Variants in SBNO2 observed in about 807,000 individuals in gnomAD.
SBNO2 encodes the protein strawberry notch homolog 2.
In SBNO2, 89 loss-of-function variants were observed where a neutral mutation model predicts 146.3. That is an observed-to-expected ratio of 0.61 (90% CI 0.51 to 0.73). The LOEUF (loss-of-function observed/expected upper bound fraction) is 0.73. Among genes scored for constraint, SBNO2 ranks in the 30% least tolerant of loss-of-function variants. The pLI, the probability that SBNO2 is intolerant of heterozygous loss-of-function variation, is 0.00. For missense variants in SBNO2, 2,092 were observed against 2,003.7 expected (o/e 1.04, Z -0.84); for synonymous variants, 1,147 against 892.6 (o/e 1.29, Z -5.08).
chr19:1,160,323 C>A (rs995367643), intron 1 of SBNO2, among the ~76,000 whole-genome samples: 1 of 152,216 alleles, frequency 6.6e-6, no homozygotes, highest in Non-Finnish European at 1.5e-5. Context: ...CAACTTCATG[C>A]ACCAAGAGCC....
chr19:1,159,088 C>T (rs2080319370), intron 1 of SBNO2, among the ~76,000 whole-genome samples: 1 of 152,154 alleles, frequency 6.6e-6, no homozygotes, highest in Admixed American at 6.5e-5. Context: ...CAGCCGTGAC[C>T]CCACCTGCAG....
Position 1,149,332 on chromosome 19 carries a change from A to T in SBNO2, c.167+37T>A, listed in dbSNP as rs572072488. 5.4e-5 allele frequency: 83 copies of T among 1,528,496 alleles called. No homozygotes were observed. The South Asian group carries it at 8.9e-4, about 16-fold the overall frequency. 94.7% of individuals were successfully genotyped at this position (1,528,496 alleles called of 1,614,324 possible). A position where few individuals can be genotyped will look rare whatever the true frequency, so the allele number is the denominator to read the frequency against. On this transcript the variant is annotated intron_variant, in intron 3 of 31. Transcript: ENST00000361757. ...TGTAACTGTGACTTCAGAATGAGCA[A>T]GCCTGGGGGCCAGGCGGGGAGGGTC...
intron 1 of SBNO2, among the ~76,000 whole-genome samples, chr19:1,171,435 A>G (rs2080476478): frequency 6.6e-6 from 1 of 152,174 alleles, no homozygotes; most frequent in African/African-American, 2.4e-5. Context: ...CAGAGTCCCC[A>G]GGGCAGCGCT....
intron 4 of SBNO2, among the ~76,000 whole-genome samples, chr19:1,145,996 C>T (rs1281760121): frequency 2.0e-5 from 3 of 152,054 alleles, no homozygotes; most frequent in African/African-American, 4.8e-5. Flanking sequence ...GGGCCTTGCT[C>T]CCTCCCACAG....
chr19:1,149,912 C>G (rs987845983), intron 2 of SBNO2, among the ~76,000 whole-genome samples: 2 of 152,146 alleles, frequency 1.3e-5, no homozygotes, highest in Non-Finnish European at 2.9e-5. Flanking sequence ...CTGGGGCAGG[C>G]GAGGGCCTCA....
intron 5 of SBNO2, among the ~76,000 whole-genome samples, chr19:1,125,811 T>C (rs2079959135): frequency 1.3e-5 from 2 of 152,042 alleles, no homozygotes; most frequent in South Asian, 2.1e-4. Context: ...CTGGACAACA[T>C]GATAAAATCC....
intron 4 of SBNO2, among the ~76,000 whole-genome samples, chr19:1,134,336 C>T (rs537081745): frequency 5.9e-5 from 9 of 151,958 alleles, no homozygotes; most frequent in African/African-American, 1.2e-4. Context: ...CCACAGCTCC[C>T]GGGTGGACCC....
At position 1,147,437 on chromosome 19, in the gene SBNO2, G is replaced by GCATAGCTGGTGTCTGGGCA; in HGVS notation, c.168-18_168-17insTGCCCAGACACCAGCTATG. The GCATAGCTGGTGTCTGGGCA allele has an allele frequency of 2.3e-6, 3 of 1,304,948 alleles. 1 individual carries two copies. Among genetic ancestry groups the GCATAGCTGGTGTCTGGGCA allele is most frequent in the Non-Finnish European group, 3.1e-6 (3 of 957,964 alleles). The allele number at this position is 1,304,948 out of a possible 1,614,324, so 80.8% of individuals were successfully genotyped here. A position where few individuals can be genotyped will look rare whatever the true frequency, so the allele number is the denominator to read the frequency against. ...ATGAACGGGCTGGAGGGAGATGGGGGGGGGGGAGGTGAGATGGGGTGCTCA... is the reference window on the plus strand; with the variant it reads ...ATGAACGGGCTGGAGGGAGATGGGGGCATAGCTGGTGTCTGGGCAGGGGGGAGGTGAGATGGGGTGCTCA... On this transcript the variant is annotated splice_polypyrimidine_tract_variant and intron_variant, in intron 3 of 31. Coordinates refer to ENST00000361757, the MANE Select transcript of SBNO2 (RefSeq NM_014963.3).
rs908363900 is a variant in SBNO2, at chr19:1,157,213, C to G, written c.-126-2811G>C. ...TTGACTCCGCCGCCGTTTCTTGCAG[C>G]AGCTGTGACCACGCCATGTCTCTGG... On this transcript the variant is annotated intron_variant, in intron 1 of 31. Transcript: ENST00000361757. The surrounding 1 kb of genome is among the most constrained non-coding windows in gnomAD (Gnocchi z 6.8). Among the ~76,000 whole-genome samples the G allele has an allele frequency of 5.3e-5, 8 of 152,194 alleles. No homozygotes were observed. The highest frequency in any genetic ancestry group is 1.9e-4 in the African/African-American group (8 of 41,442).
rs2302109 is a variant in SBNO2 at position 1,110,830 on chromosome 19, G to A, written c.2943C>T (p.Asn981=). ...RILGLEVHKQ[N]ALFQYFSDTF... ...TGTCTGAGAAGTACTGGAACAGGGC[G>A]TTCTGCTTGTGCACCTCCAGCCCCA... Residue 981 remains asparagine, a synonymous_variant, in exon 26 of 32, where the codon AAC becomes AAT. Transcript: ENST00000361757. This position sits in a 1 kb window ranked among gnomAD's most constrained non-coding sequence, Gnocchi z 4.9. 0.52 allele frequency: 839,337 copies of A among 1,613,160 alleles called. 220,398 individuals are homozygous for A. Among genetic ancestry groups the A allele is most frequent in the African/African-American group, 0.66 (49,615 of 74,844 alleles).
At chr19:1,111,798 C>T (rs1353468225) in intron 23 of SBNO2, among the ~76,000 whole-genome samples, 184 bp from the exon 24 acceptor site, 1 of 151,176 alleles carries the variant, frequency 6.6e-6, no homozygotes, top group Non-Finnish European at 1.5e-5. Context: ...TGGGTCCTCC[C>T]CCAGACCCCT....
intron 1 of SBNO2, among the ~76,000 whole-genome samples, chr19:1,165,642 C>T (rs559938357): frequency 3.8e-4 from 56 of 146,574 alleles, no homozygotes; most frequent in Non-Finnish European, 7.5e-4. Flanking sequence ...AGATCCCAGA[C>T]TTCAGATCCC....
rs555679957 is a variant in SBNO2, at chr19:1,114,624, G to A, written c.1886-202C>T. ...CCGTGCCCTGTGGCCAGGAGGGTAC[G>A]GTGTGGGGGGCCATATTTTATTTAT... is the stretch of plus-strand genomic sequence containing the variant. On this transcript the variant is annotated intron_variant, in intron 17 of 31. Transcript: ENST00000361757. Among the ~76,000 whole-genome samples, 13 of 147,628 alleles carry A rather than the reference G, an allele frequency of 8.8e-5. No homozygotes were observed. In the East Asian group the frequency reaches 9.9e-4, roughly 11 times the overall value.
chr19:1,128,153 TAAAC>T (rs767308682), intron 4 of SBNO2: 20 of 472,578 alleles, frequency 4.2e-5, no homozygotes, highest in Admixed American at 4.6e-5. Flanking sequence ...AAGAAAAAAA[TAAAC>T]AAGCAATGGG....
chr19:1,120,671 ATTCT>A (rs963138288), intron 11 of SBNO2, among the ~76,000 whole-genome samples: 5 of 151,390 alleles, frequency 3.3e-5, no homozygotes, highest in African/African-American at 9.7e-5. Context: ...CCCAGCCCTA[ATTCT>A]TTGTTTTTTT....
rs1475092287 is a variant in SBNO2, at chr19:1,136,689, T to TGG, written c.280-8926_280-8925dup. Among the ~76,000 whole-genome samples the TGG allele has an allele frequency of 1.3e-5, 2 of 152,186 alleles. No individual in the cohort carries two copies. The highest frequency in any genetic ancestry group is 4.8e-5 in the African/African-American group (2 of 41,440). On this transcript the variant is annotated intron_variant, in intron 4 of 31. Transcript: ENST00000361757. The surrounding 1 kb of genome is among the most constrained non-coding windows in gnomAD (Gnocchi z 4.2). ...CTTTTTTGCCCAATGCCAGTAACTG[T>TGG]GGGGGCTCCGTGGTGCCGGATGGGC...
chr19:1,149,250 C>T, intron 3 of SBNO2, 119 bp downstream of exon 3: 2 of 900,094 alleles, frequency 2.2e-6, no homozygotes, highest in South Asian at 1.6e-5. Flanking sequence ...TGCACACCAC[C>T]CTCCAAACCC....
intron 17 of SBNO2, chr19:1,115,360 C>A (rs1016987319): frequency 2.6e-5 from 4 of 152,218 alleles, no homozygotes. Flanking sequence ...CCTGCCTCAG[C>A]CTCCCAAGTA....
chr19:1,115,138 C>T (rs998961522), intron 17 of SBNO2, among the ~76,000 whole-genome samples: 24 of 152,238 alleles, frequency 1.6e-4, no homozygotes, highest in African/African-American at 4.8e-4. Context: ...CCATGTTGGC[C>T]AGGCTGGTCT....
Sources: gnomAD v4.1 joint callset for allele counts (sites outside exome capture counted in the v4.1 genomes callset) on GRCh38, gnomAD v4.1.1 for gene constraint, Gnocchi (gnomAD v3.1) non-coding constraint, MANE v1.5 for transcripts, NCBI Gene and HGNC (gene_info 2026-07-23, HGNC 2026-07-21) for gene names.